The following MKLN1 variants were observed in gnomAD, a reference collection of about 807,000 sequenced individuals.
MKLN1 encodes muskelin.
In MKLN1, 18 loss-of-function variants were observed where a neutral mutation model predicts 99.0. The ratio of observed to expected loss-of-function variants is 0.18; its 90% CI spans 0.13 to 0.27. The LOEUF (loss-of-function observed/expected upper bound fraction) is 0.27, where lower values mean the gene tolerates loss of function less well. MKLN1 is among the 10% of genes least tolerant of loss of function. MKLN1 has a pLI of 1.00. For missense variants in MKLN1, 621 were observed against 875.9 expected (o/e 0.71, Z 3.67); for synonymous variants, 288 against 293.2 (o/e 0.98, Z 0.18).
rs556993811 is a variant in MKLN1, at chr7:131,277,243, G to C, written c.-179+74269G>C. Among the ~76,000 whole-genome samples the C allele has an allele frequency of 2.2e-3, 338 of 151,770 alleles. 3 individuals are homozygous for C. Among genetic ancestry groups the C allele is most frequent in the African/African-American group, 7.8e-3 (325 of 41,416 alleles). ...AACCTAATGTTTGATAGATCAGTAG[G>C]ATGATCTGTATTGTAAACTATAGTT... On this transcript the variant is annotated intron_variant, in intron 3 of 7. Coordinates refer to the MKLN1 transcript ENST00000416992.
rs1563247054 is a variant in MKLN1 at position 131,192,079 on chromosome 7, ATATATAT to A, written c.-296-10770_-296-10764del. Reference sequence around the variant, plus strand: ...ATGTATATATATATTATATATATACATATATATTATATATATATGTATATATATATTA... The same window carrying A: ...ATGTATATATATATTATATATATACATATATATATATGTATATATATATTA... On this transcript the variant is annotated intron_variant, in intron 2 of 7. Transcript: ENST00000416992. 9.8e-5 allele frequency among the ~76,000 whole-genome samples: 7 copies of A among 71,670 alleles called. 1 individual carries two copies. Among genetic ancestry groups the A allele is most frequent in the African/African-American group, 3.7e-4 (5 of 13,596 alleles). 47.0% of individuals were successfully genotyped at this position (71,670 alleles called of 152,430 possible).
At chr7:131,254,675 G>A (rs2116522852) in intron 3 of MKLN1, among the ~76,000 whole-genome samples, 1 of 151,394 alleles carries the variant, frequency 6.6e-6, no homozygotes, top group Admixed American at 6.6e-5. Flanking sequence ...AATTAGAGGG[G>A]CCCAATAGTA....
intron 1 of MKLN1, among the ~76,000 whole-genome samples, chr7:131,358,049 G>GT (rs1205189874): frequency 6.6e-6 from 1 of 152,016 alleles, no homozygotes; most frequent in South Asian, 2.1e-4. Flanking sequence ...TGTGTAGACT[G>GT]TTTTTTTCCC....
chr7:131,360,167 T>C (rs888100654), intron 1 of MKLN1, among the ~76,000 whole-genome samples: 2 of 152,238 alleles, frequency 1.3e-5, no homozygotes, highest in African/African-American at 2.4e-5. Context: ...TCCATTTCTT[T>C]ATATTCACCT....
At chr7:131,120,737 A>T (rs935714759) in intron 1 of MKLN1, among the ~76,000 whole-genome samples, 1 of 152,068 alleles carries the variant, frequency 6.6e-6, no homozygotes, top group Non-Finnish European at 1.5e-5. Flanking sequence ...ATCTGAGACC[A>T]CCTCAGCCAG....
intron 8 of MKLN1, among the ~76,000 whole-genome samples, chr7:131,415,444 A>G (rs1407923419): frequency 6.6e-6 from 1 of 152,190 alleles, no homozygotes; most frequent in Non-Finnish European, 1.5e-5. Context: ...TAAAATAATT[A>G]AGAATAAAAA....
At chr7:131,355,435 T>TGA in intron 1 of MKLN1, among the ~76,000 whole-genome samples, 1 of 151,824 alleles carries the variant, frequency 6.6e-6, no homozygotes, top group South Asian at 2.1e-4. Context: ...TTTTCCAGGT[T>TGA]TACTTATACA....
rs1020116015 is a variant in MKLN1, at chr7:131,487,817, A to G, written c.*89A>G. The G allele has an allele frequency of 4.0e-6, 6 of 1,487,156 alleles. No homozygotes were observed. The highest frequency in any genetic ancestry group is 2.3e-5 in the East Asian group (1 of 43,902). The allele number at this position is 1,487,156 out of a possible 1,614,324, so 92.1% of individuals were successfully genotyped here. A position where few individuals can be genotyped will look rare whatever the true frequency, so the allele number is the denominator to read the frequency against. On this transcript the variant is annotated 3_prime_UTR_variant, in exon 18 of 18. Coordinates refer to ENST00000352689, the MANE Select transcript of MKLN1 (RefSeq NM_013255.5). The surrounding 1 kb of genome is among the most constrained non-coding windows in gnomAD (Gnocchi z 4.7). ...CTCCACTGACTGACAGTAAAGCTGCAGTGATTGAGGACTGCACCAGAGTTC... is the reference window on the plus strand; with the variant it reads ...CTCCACTGACTGACAGTAAAGCTGCGGTGATTGAGGACTGCACCAGAGTTC...
chr7:131,375,560 T>A, intron 2 of MKLN1, 67 bp downstream of exon 2: 1 of 917,154 alleles, frequency 1.1e-6, no homozygotes, highest in Admixed American at 1.8e-5. Context: ...CAATTGATAC[T>A]AGTTATCTGG....
At chr7:131,297,432 TACACACAC>T in intron 3 of MKLN1, among the ~76,000 whole-genome samples, 1 of 150,234 alleles carries the variant, frequency 6.7e-6, no homozygotes, top group African/African-American at 2.4e-5. Flanking sequence ...TGTGTGTACA[TACACACAC>T]ACACACAGAC....
rs376460434 is a variant in MKLN1, at chr7:131,353,568, T to C, written c.99-21856T>C. Among the ~76,000 whole-genome samples, 77 of 152,256 alleles carry C rather than the reference T, an allele frequency of 5.1e-4. 2 individuals are homozygous for C. In the South Asian group the frequency reaches 0.016, roughly 31 times the overall value. On this transcript the variant is annotated intron_variant, in intron 1 of 17. Coordinates refer to ENST00000352689, the MANE Select transcript of MKLN1 (RefSeq NM_013255.5). The stretch of plus-strand genomic sequence containing the variant: ...TTCGGAAATACGTTCTCCCAGTCTT[T>C]AGCTTACCTTTTCAACCACTTAAAA...
At chr7:131,436,559 C>T (rs2116467323) in intron 9 of MKLN1, among the ~76,000 whole-genome samples, 1 of 152,306 alleles carries the variant, frequency 6.6e-6, no homozygotes, top group Middle Eastern at 3.4e-3. Flanking sequence ...TGCTATCTTA[C>T]TTCCTAGTTT....
At chr7:131,121,607 C>A (rs1295071137) in intron 1 of MKLN1, among the ~76,000 whole-genome samples, 1 of 133,678 alleles carries the variant, frequency 7.5e-6, no homozygotes. Flanking sequence ...CCACTGCACT[C>A]CAGCCTGAGT....
intron 3 of MKLN1, among the ~76,000 whole-genome samples, chr7:131,318,144 C>G (rs1273157343): frequency 6.6e-6 from 1 of 152,196 alleles, no homozygotes; most frequent in East Asian, 1.9e-4. Context: ...CACCCCAGAT[C>G]AACAGAATAT....
intron 2 of MKLN1, among the ~76,000 whole-genome samples, chr7:131,386,301 C>T (rs761334301): frequency 4.6e-5 from 7 of 152,104 alleles, no homozygotes; most frequent in African/African-American, 1.7e-4. Flanking sequence ...TGTGAGCCAC[C>T]GCACCCGGCC....
At chr7:131,202,324 C>T (rs1796742877) in intron 2 of MKLN1, among the ~76,000 whole-genome samples, 1 of 151,836 alleles carries the variant, frequency 6.6e-6, no homozygotes, top group Non-Finnish European at 1.5e-5. Flanking sequence ...ACCATGTTGG[C>T]CAGGATGGTC....
At chr7:131,457,107 G>A (rs768061015) in intron 12 of MKLN1, among the ~76,000 whole-genome samples, 5 of 151,760 alleles carry the variant, frequency 3.3e-5, no homozygotes, top group Non-Finnish European at 5.9e-5. Flanking sequence ...GAGAAACCCC[G>A]TCTCCACTAA....
chr7:131,328,873 C>G (rs1278748738), intron 1 of MKLN1, among the ~76,000 whole-genome samples: 2 of 152,102 alleles, frequency 1.3e-5, no homozygotes, highest in Non-Finnish European at 2.9e-5. Flanking sequence ...GCTGAAAATA[C>G]TCTTACATAG....
At chr7:131,171,147 A>G (rs1358106407) in intron 2 of MKLN1, among the ~76,000 whole-genome samples, 1 of 152,216 alleles carries the variant, frequency 6.6e-6, no homozygotes, top group Non-Finnish European at 1.5e-5. Flanking sequence ...GCAGGGTTAC[A>G]GGGAGGAGGT....
Sources: gnomAD v4.1 joint callset for allele counts (sites outside exome capture counted in the v4.1 genomes callset) on GRCh38, gnomAD v4.1.1 for gene constraint, Gnocchi (gnomAD v3.1) non-coding constraint, MANE v1.5 for transcripts, NCBI Gene and HGNC (gene_info 2026-07-23, HGNC 2026-07-21) for gene names.